STIM1: variants seen among roughly 807,000 people sequenced by gnomAD.
The protein encoded by STIM1 is stromal interaction molecule 1.
In STIM1, 25 loss-of-function variants were observed where a neutral mutation model predicts 74.7. The observed-to-expected ratio is 0.33, with a 90% CI of 0.24 to 0.47. The LOEUF (loss-of-function observed/expected upper bound fraction) is 0.47, where lower values mean the gene tolerates loss of function less well. Ranked by LOEUF, STIM1 falls within the 20% of genes least tolerant of loss-of-function variation. The pLI, the probability that STIM1 is intolerant of heterozygous loss-of-function variation, is 1.00. For missense variants in STIM1, 728 were observed against 920.8 expected (o/e 0.79, Z 2.71); for synonymous variants, 328 against 348.8 (o/e 0.94, Z 0.66).
chr11:3,900,025 G>C (rs2092307076), intron 1 of STIM1, among the ~76,000 whole-genome samples: 1 of 152,100 alleles, frequency 6.6e-6, no homozygotes, highest in Non-Finnish European at 1.5e-5. Context: ...GATGATGCTG[G>C]CCTCATAAAT....
chr11:3,916,747 C>T (rs556130790), intron 1 of STIM1, among the ~76,000 whole-genome samples: 12 of 152,146 alleles, frequency 7.9e-5, no homozygotes, highest in Middle Eastern at 3.4e-3. Context: ...CCACTGCGCC[C>T]GGCCATTTTT....
chr11:4,067,566 G>A (rs897016330), intron 5 of STIM1, among the ~76,000 whole-genome samples: 3 of 152,248 alleles, frequency 2.0e-5, no homozygotes, highest in Admixed American at 2.0e-4. Context: ...AAGCTGTAGT[G>A]AGAAAGTGTG....
chr11:4,035,384 T>C (rs2094090587), intron 3 of STIM1, among the ~76,000 whole-genome samples: 2 of 152,012 alleles, frequency 1.3e-5, no homozygotes, highest in Non-Finnish European at 2.9e-5. Context: ...TTTCCTGATA[T>C]AATCTTCAAT....
intron 1 of STIM1, among the ~76,000 whole-genome samples, chr11:3,942,426 G>C (rs960679980): frequency 6.6e-6 from 1 of 152,176 alleles, no homozygotes; most frequent in Non-Finnish European, 1.5e-5. Flanking sequence ...GGCATTTGGG[G>C]TAGTGTTGAG....
At chr11:3,969,381 C>T (rs1166631006) in intron 2 of STIM1, among the ~76,000 whole-genome samples, 1 of 152,072 alleles carries the variant, frequency 6.6e-6, no homozygotes, top group African/African-American at 2.4e-5. Flanking sequence ...TACTCTGAGG[C>T]TGAGGCTGGA....
chr11:3,940,928 G>A (rs1418619294), intron 1 of STIM1, among the ~76,000 whole-genome samples: 1 of 152,166 alleles, frequency 6.6e-6, no homozygotes, highest in Non-Finnish European at 1.5e-5. Flanking sequence ...ACTCTTCAGT[G>A]TAGTGTAGTA....
intron 1 of STIM1, among the ~76,000 whole-genome samples, chr11:3,952,398 A>G (rs763534508): frequency 5.4e-4 from 82 of 152,238 alleles, no homozygotes; most frequent in Non-Finnish European, 9.3e-4. Flanking sequence ...CTGTCTCATA[A>G]ATAAATAAAT....
At chr11:4,047,397 C>A (rs1229375201) in intron 3 of STIM1, among the ~76,000 whole-genome samples, 1 of 152,258 alleles carries the variant, frequency 6.6e-6, no homozygotes, top group Non-Finnish European at 1.5e-5. Flanking sequence ...GGGAGGATCA[C>A]TTGAGGCCAG....
At chr11:3,946,132 G>C (rs2093070058) in intron 1 of STIM1, among the ~76,000 whole-genome samples, 1 of 152,170 alleles carries the variant, frequency 6.6e-6, no homozygotes, top group Non-Finnish European at 1.5e-5. Context: ...AATGGGGTTG[G>C]AACAGCAGGC....
chr11:3,944,082 TTAA>T (rs1288864733), intron 1 of STIM1, among the ~76,000 whole-genome samples: 1 of 152,132 alleles, frequency 6.6e-6, no homozygotes, highest in Non-Finnish European at 1.5e-5. Context: ...AGTTAATGAG[TTAA>T]TGATGGATTT....
chr11:3,926,147 C>T (rs2092785793), intron 1 of STIM1, among the ~76,000 whole-genome samples: 1 of 151,998 alleles, frequency 6.6e-6, no homozygotes, highest in Non-Finnish European at 1.5e-5. Context: ...GCAAACATCC[C>T]TTAAGATCAT....
intron 2 of STIM1, among the ~76,000 whole-genome samples, chr11:3,973,757 A>G (rs1006374918): frequency 2.0e-5 from 3 of 152,180 alleles, no homozygotes; most frequent in Non-Finnish European, 4.4e-5. Flanking sequence ...ACTGTCGGCC[A>G]GGCTGGAGTT....
At chr11:4,058,180 A>AT (rs1367157523) in intron 4 of STIM1, among the ~76,000 whole-genome samples, 1 of 152,214 alleles carries the variant, frequency 6.6e-6, no homozygotes, top group East Asian at 1.9e-4. Flanking sequence ...GAAGCATCTG[A>AT]TTTTACATAA....
At chr11:4,077,281 G>T (rs972495488) in intron 7 of STIM1, among the ~76,000 whole-genome samples, 3 of 151,746 alleles carry the variant, frequency 2.0e-5, no homozygotes, top group African/African-American at 7.2e-5. Context: ...TTTAGGTCAA[G>T]AAGTATTACT....
At chr11:4,017,987 C>T (rs1443415121) in intron 2 of STIM1, among the ~76,000 whole-genome samples, 1 of 152,166 alleles carries the variant, frequency 6.6e-6, no homozygotes, top group African/African-American at 2.4e-5. Context: ...GTAACAGCTC[C>T]CATCTCAGAG....
intron 2 of STIM1, among the ~76,000 whole-genome samples, chr11:3,970,435 C>T (rs1488980344): frequency 6.6e-6 from 1 of 152,016 alleles, no homozygotes; most frequent in Non-Finnish European, 1.5e-5. Flanking sequence ...CCTTAGAGTT[C>T]AGGATCTAAC....
chr11:4,068,378 G>C (rs1000915875), intron 5 of STIM1, among the ~76,000 whole-genome samples: 1 of 152,158 alleles, frequency 6.6e-6, no homozygotes, highest in Non-Finnish European at 1.5e-5. Flanking sequence ...TTGACTTTTG[G>C]TAAGAATATA....
intron 3 of STIM1, among the ~76,000 whole-genome samples, chr11:4,051,468 G>A (rs569176243): frequency 3.8e-4 from 58 of 151,150 alleles, no homozygotes; most frequent in African/African-American, 1.3e-3. Flanking sequence ...TCAGCCTCCC[G>A]AGTAGCTGGG....
intron 2 of STIM1, among the ~76,000 whole-genome samples, chr11:4,017,246 T>C (rs2135986769): frequency 6.6e-6 from 1 of 152,330 alleles, no homozygotes; most frequent in East Asian, 1.9e-4. Flanking sequence ...AAGGCCTGAT[T>C]GTTGCAGCTT....
Sources: gnomAD v4.1 joint callset for allele counts (sites outside exome capture counted in the v4.1 genomes callset) on GRCh38, gnomAD v4.1.1 for gene constraint, MANE v1.5 for transcripts, NCBI Gene and HGNC (gene_info 2026-07-23, HGNC 2026-07-21) for gene names.